The following ZFP1 variants were observed in gnomAD, a reference collection of about 807,000 sequenced individuals.
ZFP1 encodes ZFP1 zinc finger protein, also known as zinc finger protein 1 homolog.
A neutral mutation model predicts 38.5 loss-of-function variants in ZFP1; 32 were observed. The observed-to-expected ratio is 0.83, with a 90% CI of 0.63 to 1.12. The LOEUF is 1.12. ZFP1 is among the 50% of genes most tolerant of loss of function. The probability of loss-of-function intolerance (pLI) is 0.00; values close to 1 mark genes in which losing one functional copy is unlikely to be tolerated. For missense variants in ZFP1, 616 were observed against 480.8 expected, an observed-to-expected ratio of 1.28 and a Z score of -2.63; for synonymous variants, 245 against 168.8, an observed-to-expected ratio of 1.45 and a Z score of -3.50.
intron 2 of ZFP1, among the ~76,000 whole-genome samples, chr16:75,157,695 C>T (rs943023242): frequency 6.6e-6 from 1 of 152,138 alleles, no homozygotes. Flanking sequence ...ATTCTGTCTT[C>T]CTGATGGACT....
chr16:75,131,481 C>T, the ZFP1 span, among the ~76,000 whole-genome samples: 3 of 152,140 alleles, frequency 2.0e-5, no homozygotes, highest in Non-Finnish European at 4.4e-5. Flanking sequence ...CATCACGTTG[C>T]TAACATCACC....
chr16:75,127,190 A>G, the ZFP1 span, among the ~76,000 whole-genome samples: 8 of 152,238 alleles, frequency 5.3e-5, no homozygotes, highest in Non-Finnish European at 1.0e-4. Flanking sequence ...AATCAGCTAT[A>G]AAACTGATTT....
At chr16:75,124,724 T>A in the ZFP1 span, among the ~76,000 whole-genome samples, 1 of 147,450 alleles carries the variant, frequency 6.8e-6, no homozygotes, top group East Asian at 2.0e-4. Flanking sequence ...GAGGCGGAGC[T>A]TGCGGCGAGC....
At chr16:75,167,489 G>A (rs2038159975) in intron 3 of ZFP1, among the ~76,000 whole-genome samples, 1 of 150,104 alleles carries the variant, frequency 6.7e-6, no homozygotes, top group Admixed American at 6.6e-5. Context: ...GTTGTGTCTT[G>A]TACATGTACC....
the ZFP1 span, among the ~76,000 whole-genome samples, chr16:75,120,323 C>T: frequency 2.6e-5 from 4 of 152,168 alleles, no homozygotes; most frequent in Non-Finnish European, 4.4e-5. Flanking sequence ...CTTGCACCCT[C>T]TGCTGCATGA....
the ZFP1 span, among the ~76,000 whole-genome samples, chr16:75,142,158 C>G: frequency 2.7e-5 from 4 of 150,174 alleles, no homozygotes; most frequent in Non-Finnish European, 4.4e-5. Flanking sequence ...GAGATCGACA[C>G]CATCCTGGCC....
the ZFP1 span, among the ~76,000 whole-genome samples, chr16:75,131,556 A>C: frequency 6.6e-6 from 1 of 151,786 alleles, no homozygotes; most frequent in African/African-American, 2.4e-5. Context: ...CTCCCCTCTC[A>C]TCCTAGCTGG....
chr16:75,138,986 C>G, the ZFP1 span, among the ~76,000 whole-genome samples: 1 of 152,108 alleles, frequency 6.6e-6, no homozygotes, highest in Non-Finnish European at 1.5e-5. Context: ...TCCCCAAAAC[C>G]CACAACTCCA....
chr16:75,161,543 T>C (rs957268994), intron 2 of ZFP1, among the ~76,000 whole-genome samples: 3 of 151,332 alleles, frequency 2.0e-5, no homozygotes, highest in African/African-American at 7.3e-5. Flanking sequence ...GCCTGTCTGA[T>C]AATTTTGAAG....
intron 2 of ZFP1, 100 bp from the exon 3 acceptor site, chr16:75,166,670 T>A (rs1444357199): frequency 5.0e-6 from 8 of 1,592,070 alleles, no homozygotes; most frequent in Non-Finnish European, 6.0e-6. Flanking sequence ...ATCGTTGGTG[T>A]AATATATAGA....
chr16:75,135,014 A>C, the ZFP1 span, among the ~76,000 whole-genome samples: 1 of 151,566 alleles, frequency 6.6e-6, no homozygotes, highest in Non-Finnish European at 1.5e-5. Flanking sequence ...AGATCGTGCC[A>C]TTGCACTTCA....
At chr16:75,163,231 A>G (rs999248306) in intron 2 of ZFP1, among the ~76,000 whole-genome samples, 1 of 152,012 alleles carries the variant, frequency 6.6e-6, no homozygotes, top group African/African-American at 2.4e-5. Context: ...TACAAAAATC[A>G]TACATTAATG....
At chr16:75,148,943 G>A (rs1311896697) in intron 1 of ZFP1, 1 of 152,066 alleles carries the variant, frequency 6.6e-6, no homozygotes, top group African/African-American at 2.4e-5. Flanking sequence ...GGGCCGCGCG[G>A]GAGCGAGTTC....
At chr16:75,158,755 A>T (rs1567529658) in intron 2 of ZFP1, among the ~76,000 whole-genome samples, 1 of 151,532 alleles carries the variant, frequency 6.6e-6, no homozygotes, top group African/African-American at 2.4e-5. Context: ...TGTAGAGATT[A>T]CAGCTTATAA....
chr16:75,128,939 C>T, the ZFP1 span, among the ~76,000 whole-genome samples: 2 of 152,048 alleles, frequency 1.3e-5, no homozygotes, highest in Non-Finnish European at 2.9e-5. Flanking sequence ...TACAGGAGTG[C>T]ACCACCACGC....
chr16:75,162,659 G>GC (rs796758475), intron 2 of ZFP1, among the ~76,000 whole-genome samples: 24 of 152,158 alleles, frequency 1.6e-4, no homozygotes, highest in African/African-American at 5.8e-4. Flanking sequence ...TTTTGCCTTT[G>GC]CCCCTCCCTT....
chr16:75,146,753 A>G (rs1281845928), upstream of ZFP1, among the ~76,000 whole-genome samples: 3 of 152,108 alleles, frequency 2.0e-5, no homozygotes, highest in East Asian at 5.8e-4. Flanking sequence ...AGCCTGGGCA[A>G]CATGGCAAAA....
At chr16:75,128,815 T>C in the ZFP1 span, among the ~76,000 whole-genome samples, 1 of 152,158 alleles carries the variant, frequency 6.6e-6, no homozygotes, top group Non-Finnish European at 1.5e-5. Context: ...GAGACAGAGT[T>C]TTGCTCTTTG....
At chr16:75,145,086 C>T (rs575973101), upstream of ZFP1, among the ~76,000 whole-genome samples, 8 of 152,362 alleles carry the variant, frequency 5.3e-5, no homozygotes, top group African/African-American at 1.7e-4. Context: ...TAATATTCCA[C>T]TGTATCCATT....
Sources: allele counts gnomAD v4.1 joint callset (sites outside exome capture counted in the v4.1 genomes callset), GRCh38; gene constraint gnomAD v4.1.1; transcripts MANE v1.5; gene names NCBI Gene and HGNC (gene_info 2026-07-23, HGNC 2026-07-21).